The following ABCC12 variants were observed in gnomAD, a reference collection of about 807,000 sequenced individuals.
The protein encoded by ABCC12 is ATP binding cassette subfamily C member 12.
In ABCC12, 142 loss-of-function variants were observed where a neutral mutation model predicts 151.1. The ratio of observed to expected loss-of-function variants is 0.94; its 90% CI spans 0.82 to 1.08. The LOEUF is 1.08. Among genes scored for constraint, ABCC12 ranks in the 50% least tolerant of loss-of-function variants. The probability of loss-of-function intolerance (pLI) is 0.00; values close to 1 mark genes in which losing one functional copy is unlikely to be tolerated. For missense variants in ABCC12, 1,638 were observed against 1,691.1 expected, an observed-to-expected ratio of 0.97 and a Z score of 0.55; for synonymous variants, 645 against 646.4, an observed-to-expected ratio of 1.00 and a Z score of 0.03.
rs1216062953 is a variant in ABCC12, at chr16:48,081,065, C to T, written c.*2650G>A. Reference sequence around the variant, plus strand: ...AAGTCTCTTTTATAAGAGAGCCAATCCTATTCATGAGGTCTCCACCCTCAT... The same window carrying T: ...AAGTCTCTTTTATAAGAGAGCCAATTCTATTCATGAGGTCTCCACCCTCAT... On this transcript the variant is annotated 3_prime_UTR_variant, in exon 31 of 31. Coordinates refer to ENST00000311303, the MANE Select transcript of ABCC12 (RefSeq NM_001393797.1). Among the ~76,000 whole-genome samples, 1 of 152,100 alleles carries T rather than the reference C, an allele frequency of 6.6e-6. No individual in the cohort carries two copies. The highest frequency in any genetic ancestry group is 2.4e-5 in the African/African-American group (1 of 41,420).
chr16:48,110,760 C>A (rs967835569), intron 18 of ABCC12, among the ~76,000 whole-genome samples: 1 of 152,124 alleles, frequency 6.6e-6, no homozygotes, highest in African/African-American at 2.4e-5. Context: ...TCTGTGAAGG[C>A]CTCCCTGACA....
At chr16:48,107,263 A>G in intron 20 of ABCC12, 59 bp downstream of exon 20, 1 of 1,493,342 alleles carries the variant, frequency 6.7e-7, no homozygotes. Context: ...ATGCTCTGGC[A>G]GCAGAGTTTT....
intron 4 of ABCC12, among the ~76,000 whole-genome samples, chr16:48,143,160 A>G (rs16945883): frequency 0.032 from 4,906 of 152,326 alleles, 250 homozygotes; most frequent in African/African-American, 0.11. Flanking sequence ...TGTTTAAAGT[A>G]AAACAAAACC....
At chr16:48,128,979 T>C (rs545821063) in intron 10 of ABCC12, among the ~76,000 whole-genome samples, 1 of 152,352 alleles carries the variant, frequency 6.6e-6, no homozygotes, top group East Asian at 1.9e-4. Flanking sequence ...CACTGGAGAA[T>C]GCTGATCCCA....
chr16:48,115,430 C>G lies in ABCC12; in HGVS notation c.1974G>C (p.Val658=), dbSNP rs767292962. ...KTLRGKTVVL[V]THQLQFLESC... ...GTCCCATCACCTGTAGCTGGTGGGT[C>G]ACCAGGACGACTGTCTTTCCCCTGA... The change falls in exon 15 of 31, where the codon GTG becomes GTC. Residue 658 remains valine, a synonymous_variant. Transcript: ENST00000311303. 12 of 1,613,880 alleles carry G rather than the reference C, an allele frequency of 7.4e-6. No individual in the cohort carries two copies. In the Admixed American group the frequency reaches 1.8e-4, roughly 25 times the overall value.
chr16:48,130,958 A>G, intron 9 of ABCC12, 63 bp from the exon 10 acceptor site: 1 of 1,157,254 alleles, frequency 8.6e-7, no homozygotes, highest in Admixed American at 1.8e-5. Context: ...CTAAACCGTT[A>G]TACACATGGG....
chr16:48,118,239 C>T (rs779625140), intron 13 of ABCC12, among the ~76,000 whole-genome samples: 1 of 152,238 alleles, frequency 6.6e-6, no homozygotes, highest in Non-Finnish European at 1.5e-5. Flanking sequence ...TCCGTGGTCA[C>T]TGGGATGTCG....
Position 48,111,410 on chromosome 16 carries a change from T to A in ABCC12, c.2281+26A>T, listed in dbSNP as rs201745006. The A allele has an allele frequency of 8.3e-5, 134 of 1,607,734 alleles. 1 individual carries two copies. In the East Asian group the frequency reaches 1.0e-3, roughly 12 times the overall value. ...TGCCCAATACATCCTTAAGTGTATG[T>A]GACTGAGGGGATGTGTGGTAAATAC... On this transcript the variant is annotated intron_variant, in intron 18 of 30. Transcript: ENST00000311303.
intron 24 of ABCC12, among the ~76,000 whole-genome samples, chr16:48,092,851 C>A (rs920233887): frequency 2.6e-5 from 4 of 152,144 alleles, no homozygotes; most frequent in Non-Finnish European, 4.4e-5. Context: ...GTCCACCAGT[C>A]AAACTCAGGA....
intron 1 of ABCC12, among the ~76,000 whole-genome samples, chr16:48,154,710 A>G (rs573435649): frequency 2.6e-5 from 4 of 152,190 alleles, no homozygotes; most frequent in Non-Finnish European, 5.9e-5. Context: ...GCTCTGTTAT[A>G]TTTCATTTCT....
At chr16:48,093,093 C>T (rs962115967) in intron 24 of ABCC12, among the ~76,000 whole-genome samples, 4 of 152,034 alleles carry the variant, frequency 2.6e-5, no homozygotes, top group Non-Finnish European at 4.4e-5. Flanking sequence ...CACAACCTGG[C>T]GGGAGGGACG....
Position 48,086,823 on chromosome 16 carries a change from C to T in ABCC12, c.3636-4G>A. 2 of 1,612,102 alleles carry T rather than the reference C, an allele frequency of 1.2e-6. No homozygotes were observed. The highest frequency in any genetic ancestry group is 1.7e-6 in the Non-Finnish European group (2 of 1,178,334). On this transcript the variant is annotated splice_polypyrimidine_tract_variant and splice_region_variant and intron_variant, in intron 27 of 30. Coordinates refer to ENST00000311303, the MANE Select transcript of ABCC12 (RefSeq NM_001393797.1). Reference sequence around the variant, plus strand: ...CTCAAAGGGATCCAAGTTGTACCTGCAATGAAGGAGAGGAGAGGACAGGGA... The same window carrying T: ...CTCAAAGGGATCCAAGTTGTACCTGTAATGAAGGAGAGGAGAGGACAGGGA...
At position 48,089,051 on chromosome 16, in the gene ABCC12, A is replaced by C. The variant is rs1432226178; in HGVS notation, c.3286-317T>G. ...AGGCACCTATGTGACATTGGACCTGAGGGCTGGAGTGCTGGGAGGATGTCA... is the reference window on the plus strand; with the variant it reads ...AGGCACCTATGTGACATTGGACCTGCGGGCTGGAGTGCTGGGAGGATGTCA... On this transcript the variant is annotated intron_variant, in intron 25 of 30. Transcript: ENST00000311303. Among the ~76,000 whole-genome samples the C allele has an allele frequency of 2.6e-5, 4 of 152,348 alleles. No individual in the cohort carries two copies. In the East Asian group the frequency reaches 5.8e-4, roughly 22 times the overall value.
At chr16:48,088,833 T>C in intron 25 of ABCC12, 99 bp from the exon 26 acceptor site, 1 of 1,039,708 alleles carries the variant, frequency 9.6e-7, no homozygotes, top group South Asian at 1.7e-5. Context: ...GGTACTGCTA[T>C]TCATGGTGGT....
intron 3 of ABCC12, among the ~76,000 whole-genome samples, chr16:48,145,728 C>T (rs1383174306): frequency 6.6e-6 from 1 of 152,184 alleles, no homozygotes; most frequent in Non-Finnish European, 1.5e-5. Context: ...GTCCAGTTGC[C>T]CCATTGCCCC....
At chr16:48,099,013 C>T (rs891806692) in intron 23 of ABCC12, among the ~76,000 whole-genome samples, 5 of 152,230 alleles carry the variant, frequency 3.3e-5, no homozygotes, top group Non-Finnish European at 7.4e-5. Flanking sequence ...AACTAGGGTC[C>T]GGACTAGGTG....
chr16:48,146,087 G>T (rs1337902912), intron 3 of ABCC12, among the ~76,000 whole-genome samples: 1 of 152,216 alleles, frequency 6.6e-6, no homozygotes, highest in Non-Finnish European at 1.5e-5. Flanking sequence ...ATCATGGAAA[G>T]CTCTCCTTAA....
chr16:48,099,637 A>T (rs1489135744), intron 23 of ABCC12, among the ~76,000 whole-genome samples: 1 of 152,020 alleles, frequency 6.6e-6, no homozygotes, highest in African/African-American at 2.4e-5. Context: ...AGCCCATGTG[A>T]CTCCAATGTG....
chr16:48,133,906 G>A, intron 8 of ABCC12, 71 bp from the exon 9 acceptor site: 1 of 1,570,256 alleles, frequency 6.4e-7, no homozygotes, highest in Non-Finnish European at 8.7e-7. Context: ...AAATGTATTA[G>A]CCCTACTTGG....
Sources: gnomAD v4.1 joint callset for allele counts (sites outside exome capture counted in the v4.1 genomes callset) on GRCh38, gnomAD v4.1.1 for gene constraint, MANE v1.5 for transcripts, NCBI Gene and HGNC (gene_info 2026-07-23, HGNC 2026-07-21) for gene names.